The following PPP2R5C variants were observed in gnomAD, a reference collection of about 807,000 sequenced individuals.
PPP2R5C encodes the protein serine/threonine-protein phosphatase 2A 56 kDa regulatory subunit gamma isoform.
PPP2R5C carries 7 observed loss-of-function variants against 68.9 expected under a neutral mutation model. The ratio of observed to expected loss-of-function variants is 0.10; its 90% CI spans 0.06 to 0.19. The LOEUF is 0.19. Among genes scored for constraint, PPP2R5C ranks in the 10% least tolerant of loss-of-function variants. The pLI is 1.00. For synonymous variants in PPP2R5C, 210 were observed against 222.2 expected, an observed-to-expected ratio of 0.95 and a Z score of 0.49; for missense variants, 348 against 641.3, an observed-to-expected ratio of 0.54 and a Z score of 4.94.
Position 101,797,471 on chromosome 14 carries a change from GC to G in PPP2R5C, c.259+11292del, listed in dbSNP as rs1445289788. 1 of 346,208 alleles carries G rather than the reference GC, an allele frequency of 2.9e-6. No homozygotes were observed. The highest frequency in any genetic ancestry group is 3.7e-5 in the Admixed American group (1 of 27,244). 21.4% of individuals were successfully genotyped at this position (346,208 alleles called of 1,614,324 possible). On this transcript the variant is annotated intron_variant, in intron 3 of 14. Coordinates refer to the PPP2R5C transcript ENST00000328724. The surrounding 1 kb of genome is among the most constrained non-coding windows in gnomAD (Gnocchi z 4.2). The stretch of plus-strand genomic sequence containing the variant: ...CCTGAAGGAATGAAAAGCCCTCCTG[GC>G]CCCTCTGCCCTCTTTCTCCACCCTC...
At chr14:101,772,835 A>G (rs2037222126) in intron 2 of PPP2R5C, among the ~76,000 whole-genome samples, 1 of 152,134 alleles carries the variant, frequency 6.6e-6, no homozygotes. Flanking sequence ...TACGGAAATC[A>G]AGGTTCTCCC....
upstream of PPP2R5C, among the ~76,000 whole-genome samples, chr14:101,761,233 A>G (rs1162302772): frequency 6.6e-6 from 1 of 152,214 alleles, no homozygotes; most frequent in Non-Finnish European, 1.5e-5. Context: ...GGCAAGGCCA[A>G]GAGGCCACGG....
At chr14:101,836,554 TATA>T in intron 1 of PPP2R5C, 1 of 566,116 alleles carries the variant, frequency 1.8e-6, no homozygotes, top group South Asian at 2.4e-5. Flanking sequence ...TTTCTTTAAA[TATA>T]ATATCTCTAC....
intron 12 of PPP2R5C, 82 bp downstream of exon 14, chr14:101,912,555 G>A (rs2046455893): frequency 7.0e-7 from 1 of 1,420,602 alleles, no homozygotes; most frequent in Admixed American, 2.8e-5. Flanking sequence ...CTTCACCATG[G>A]GGGGGGTCTC....
intron 1 of PPP2R5C, chr14:101,831,860 T>G (rs2140340325): frequency 1.5e-6 from 1 of 659,462 alleles, no homozygotes; most frequent in East Asian, 2.8e-5. Context: ...AGTCTGTTAC[T>G]TACATTGGCT....
intron 1 of PPP2R5C, among the ~76,000 whole-genome samples, chr14:101,851,646 T>C (rs1357976330): frequency 6.6e-6 from 1 of 152,170 alleles, no homozygotes; most frequent in Non-Finnish European, 1.5e-5. Flanking sequence ...TGTGTCTCCT[T>C]GCTCCATCGG....
chr14:101,794,551 T>C (rs2038520608), intron 3 of PPP2R5C, among the ~76,000 whole-genome samples: 1 of 152,170 alleles, frequency 6.6e-6, no homozygotes, highest in Admixed American at 6.5e-5. Context: ...GGCATTTTTA[T>C]TGGGATCCTG....
At chr14:101,923,614 C>T (rs981917107) in intron 13 of PPP2R5C, among the ~76,000 whole-genome samples, 3 of 152,192 alleles carry the variant, frequency 2.0e-5, no homozygotes, top group African/African-American at 4.8e-5. Context: ...AAAACCCTCA[C>T]GCTGGTTTCC....
At chr14:101,878,125 C>T (rs1231199945) in intron 2 of PPP2R5C, among the ~76,000 whole-genome samples, 1 of 152,202 alleles carries the variant, frequency 6.6e-6, no homozygotes, top group Non-Finnish European at 1.5e-5. Context: ...GCAGAGAAGG[C>T]GAGTGTGAGC....
chr14:101,829,560 C>G (rs1161455249), intron 1 of PPP2R5C, among the ~76,000 whole-genome samples: 1 of 152,188 alleles, frequency 6.6e-6, no homozygotes, highest in Admixed American at 6.5e-5. Context: ...AAACACTGAT[C>G]GTGCTTTACT....
At position 101,906,007 on chromosome 14, in the gene PPP2R5C, GAT is replaced by G. The variant is rs2046001750; in HGVS notation, c.1024-394_1024-393del. On this transcript the variant is annotated intron_variant, in intron 9 of 13. Transcript: ENST00000334743. The surrounding 1 kb of genome is among the most constrained non-coding windows in gnomAD (Gnocchi z 4.0). ...AGAATGTAAGCTCCGTGGAGTCAAG[GAT>G]TTCTGCCTTGCTTTGTTCAGTGCTG... 6.6e-6 allele frequency among the ~76,000 whole-genome samples: 1 copy of G among 152,182 alleles called. No homozygotes were observed. The highest frequency in any genetic ancestry group is 2.1e-4 in the South Asian group (1 of 4,830).
intron 2 of PPP2R5C, among the ~76,000 whole-genome samples, chr14:101,770,790 G>T (rs917013461): frequency 1.3e-5 from 2 of 152,248 alleles, no homozygotes; most frequent in African/African-American, 4.8e-5. Flanking sequence ...GCAACTTATA[G>T]CCCTGCCATG....
At chr14:101,921,708 T>A (rs2047015114) in intron 13 of PPP2R5C, among the ~76,000 whole-genome samples, 1 of 152,200 alleles carries the variant, frequency 6.6e-6, no homozygotes. Context: ...TAATTTCACA[T>A]TTCTTTGAGA....
chr14:101,846,695 C>T (rs947262064), intron 1 of PPP2R5C, among the ~76,000 whole-genome samples: 3 of 152,096 alleles, frequency 2.0e-5, no homozygotes, highest in African/African-American at 4.8e-5. Context: ...AGGCCTGTAC[C>T]GGGGAAGGCA....
intron 6 of PPP2R5C, among the ~76,000 whole-genome samples, chr14:101,892,394 T>C (rs4900518): frequency 0.18 from 7,719 of 42,998 alleles, 566 homozygotes; most frequent in African/African-American, 0.47. Context: ...GGGTGGGGGG[T>C]GGGGGGGGTC....
Position 101,797,499 on chromosome 14 carries a change from C to A in PPP2R5C, c.259+11316C>A, listed in dbSNP as rs1257201976. On this transcript the variant is annotated intron_variant, in intron 3 of 14. Transcript: ENST00000328724. This position sits in a 1 kb window ranked among gnomAD's most constrained non-coding sequence, Gnocchi z 4.2. ...CCTCTGCCCTCTTTCTCCACCCTCT[C>A]CATTTTCACCGAGATGGTTGTGGTG... The A allele has an allele frequency of 1.5e-5, 5 of 334,816 alleles. No individual in the cohort carries two copies. Among genetic ancestry groups the A allele is most frequent in the Non-Finnish European group, 3.0e-5 (5 of 167,632 alleles). 20.7% of individuals were successfully genotyped at this position (334,816 alleles called of 1,614,324 possible).
intron 2 of PPP2R5C, among the ~76,000 whole-genome samples, chr14:101,878,913 G>A (rs1408376846): frequency 6.6e-6 from 1 of 152,224 alleles, no homozygotes; most frequent in African/African-American, 2.4e-5. Context: ...GCACAGTCGG[G>A]GACATTTTAC....
At chr14:101,893,137 A>G (rs112468489) in intron 7 of PPP2R5C, 29 bp downstream of exon 9, 2 of 1,458,118 alleles carry the variant, frequency 1.4e-6, no homozygotes, top group Non-Finnish European at 1.9e-6. Flanking sequence ...CTAGGAACAC[A>G]GCTGTTGGCA....
intron 2 of PPP2R5C, among the ~76,000 whole-genome samples, chr14:101,858,901 A>G (rs959169272): frequency 2.0e-5 from 3 of 152,170 alleles, no homozygotes; most frequent in Admixed American, 1.3e-4. Flanking sequence ...TCACAGTAGC[A>G]GTGTGGGTTA....
Sources: allele counts gnomAD v4.1 joint callset (sites outside exome capture counted in the v4.1 genomes callset), GRCh38; gene constraint gnomAD v4.1.1; non-coding constraint Gnocchi (gnomAD v3.1); transcripts MANE v1.5; gene names NCBI Gene and HGNC (gene_info 2026-07-23, HGNC 2026-07-21).